The following PALMD variants were observed in gnomAD, a reference collection of about 807,000 sequenced individuals.
The protein encoded by PALMD is palmdelphin.
In PALMD, 42 loss-of-function variants were observed where a neutral mutation model predicts 56.2. The observed-to-expected ratio is 0.75, with a 90% CI of 0.58 to 0.97. The LOEUF (loss-of-function observed/expected upper bound fraction) is 0.97. Ranked by LOEUF, PALMD falls within the 50% of genes least tolerant of loss-of-function variation. The pLI, the probability that PALMD is intolerant of heterozygous loss-of-function variation, is 0.00. For missense variants in PALMD, 660 were observed against 643.8 expected (o/e 1.03, Z -0.27); for synonymous variants, 242 against 222.9 (o/e 1.09, Z -0.76).
rs145481246 is a variant in PALMD at position 99,688,818 on chromosome 1, T to G, written c.558T>G (p.Thr186=). 200 of 1,608,206 alleles carry G rather than the reference T, an allele frequency of 1.2e-4. No individual in the cohort carries two copies. The highest frequency in any genetic ancestry group is 1.7e-4 in the Non-Finnish European group (196 of 1,176,004). The stretch of plus-strand genomic sequence containing the variant: ...TTAAAGTTGAAAAAGACTTGAAGAC[T>G]GGAGAAAGTACAGTTCTGTCTTCAA... ...MEIKVEKDLK[T]GESTVLSSIP... Residue 186 remains threonine (T), a synonymous_variant, in exon 7 of 8, where the codon ACT becomes ACG. Transcript: ENST00000263174.
intron 1 of PALMD, among the ~76,000 whole-genome samples, chr1:99,647,791 T>C (rs760489544): frequency 3.4e-4 from 52 of 152,238 alleles, no homozygotes; most frequent in Non-Finnish European, 6.2e-4. Flanking sequence ...AATTAGCTAA[T>C]TGAAATAGAC....
At chr1:99,684,131 A>G (rs1488495685) in intron 3 of PALMD, 1 of 152,198 alleles carries the variant, frequency 6.6e-6, no homozygotes, top group African/African-American at 2.4e-5. Flanking sequence ...CATCTGCAAT[A>G]TATACATATT....
chr1:99,666,674 T>C (rs1183222207), intron 2 of PALMD, among the ~76,000 whole-genome samples: 1 of 152,190 alleles, frequency 6.6e-6, no homozygotes, highest in Non-Finnish European at 1.5e-5. Context: ...ATAGGGCAGA[T>C]TGGATACATA....
intron 3 of PALMD, chr1:99,686,319 A>C (rs564058311): frequency 6.4e-6 from 1 of 156,908 alleles, no homozygotes; most frequent in South Asian, 2.0e-4. Context: ...CTACAAATGT[A>C]CCATTCCTTT....
At position 99,647,836 on chromosome 1, in the gene PALMD, T is replaced by G. The variant is rs546367543; in HGVS notation, c.45+1474T>G. On this transcript the variant is annotated intron_variant, in intron 1 of 7. Coordinates refer to ENST00000263174, the MANE Select transcript of PALMD (RefSeq NM_017734.5). ...CTTGTTCTGAATTTGCCTCTTTCAG[T>G]TGGGGGACACCCTCGCTCAAGCCCT... 3.3e-5 allele frequency among the ~76,000 whole-genome samples: 5 copies of G among 152,330 alleles called. No homozygotes were observed. The South Asian group carries it at 6.2e-4, about 19-fold the overall frequency.
At chr1:99,663,767 T>A (rs1652904975) in intron 2 of PALMD, among the ~76,000 whole-genome samples, 1 of 152,136 alleles carries the variant, frequency 6.6e-6, no homozygotes, top group Non-Finnish European at 1.5e-5. Flanking sequence ...GATTTAAATA[T>A]CCCCTTAGTT....
intron 3 of PALMD, among the ~76,000 whole-genome samples, chr1:99,671,494 C>T (rs1653086521): frequency 6.6e-6 from 1 of 152,184 alleles, no homozygotes; most frequent in Non-Finnish European, 1.5e-5. Flanking sequence ...ATATTAAATA[C>T]TAGTCCTTAC....
chr1:99,675,728 T>C (rs1225946367), intron 3 of PALMD, among the ~76,000 whole-genome samples: 2 of 152,198 alleles, frequency 1.3e-5, no homozygotes, highest in East Asian at 1.9e-4. Context: ...TTGTGCATGA[T>C]AGTGGCTGAT....
At chr1:99,683,041 A>G (rs1571073085) in intron 3 of PALMD, among the ~76,000 whole-genome samples, 1 of 13,532 alleles carries the variant, frequency 7.4e-5, no homozygotes, top group East Asian at 4.4e-3. Flanking sequence ...AGAAAGAAAG[A>G]AAGAAAGAAA....
chr1:99,647,317 T>C (rs1652462679), intron 1 of PALMD, among the ~76,000 whole-genome samples: 1 of 152,188 alleles, frequency 6.6e-6, no homozygotes, highest in African/African-American at 2.4e-5. Flanking sequence ...TGATGCTAGA[T>C]CAGGGATTTT....
At chr1:99,655,071 C>A (rs150646216) in intron 1 of PALMD, among the ~76,000 whole-genome samples, 3 of 152,142 alleles carry the variant, frequency 2.0e-5, no homozygotes, top group East Asian at 3.9e-4. Context: ...ATACAGATAA[C>A]CTGCAACCAG....
At chr1:99,667,842 C>A in intron 3 of PALMD, 76 bp downstream of exon 3, 3 of 1,298,810 alleles carry the variant, frequency 2.3e-6, no homozygotes, top group South Asian at 1.3e-5. Context: ...ACATGCCATT[C>A]TCACTTTCAG....
Position 99,689,745 on chromosome 1 carries a change from T to C in PALMD, c.1485T>C (p.Asn495=). ...AAGCTAGTCCTCATGAAAACACAAATCATAAATCCCCCCACAAAAATTCCA... is the reference window on the plus strand; with the variant it reads ...AAGCTAGTCCTCATGAAAACACAAACCATAAATCCCCCCACAAAAATTCCA... The part of the protein sequence containing the change: ...RSEASPHENT[N]HKSPHKNSIS... The change falls in exon 7 of 8, where the codon AAT becomes AAC. Residue 495 remains asparagine, a synonymous_variant. Transcript: ENST00000263174. 2 of 1,613,666 alleles carry C rather than the reference T, an allele frequency of 1.2e-6. No homozygotes were observed. The highest frequency in any genetic ancestry group is 1.7e-6 in the Non-Finnish European group (2 of 1,179,830).
At chr1:99,656,368 CTTTTT>C (rs56041296) in intron 1 of PALMD, among the ~76,000 whole-genome samples, 11,275 of 151,874 alleles carry the variant, frequency 0.074, 577 homozygotes, top group Admixed American at 0.17. Context: ...TAGCACGTCT[CTTTTT>C]TTTCAAAGTT....
At chr1:99,657,653 T>C (rs1652756364) in intron 1 of PALMD, among the ~76,000 whole-genome samples, 2 of 152,248 alleles carry the variant, frequency 1.3e-5, no homozygotes, top group African/African-American at 4.8e-5. Flanking sequence ...TATCTCAATA[T>C]GTAAATAAAT....
At chr1:99,658,922 G>A (rs1480860220) in intron 1 of PALMD, among the ~76,000 whole-genome samples, 17 of 151,750 alleles carry the variant, frequency 1.1e-4, no homozygotes, top group South Asian at 2.1e-4. Flanking sequence ...CTCCAGCCTC[G>A]GTGACAGAGT....
At chr1:99,687,035 A>G (rs1347181839) in intron 5 of PALMD, 41 bp from the exon 6 acceptor site, 1 of 1,520,380 alleles carries the variant, frequency 6.6e-7, no homozygotes, top group Non-Finnish European at 9.0e-7. Context: ...CCCATTGTAA[A>G]TATATTCTAA....
intron 3 of PALMD, chr1:99,669,159 G>A (rs1653031922): frequency 6.6e-6 from 1 of 152,136 alleles, no homozygotes; most frequent in Non-Finnish European, 1.5e-5. Flanking sequence ...CTCTTCAAAT[G>A]ATTTCCATTT....
chr1:99,667,976 T>C (rs575110759), intron 3 of PALMD: 2 of 464,080 alleles, frequency 4.3e-6, no homozygotes, highest in Non-Finnish European at 7.8e-6. Context: ...CTCCCAGGGC[T>C]CAAGCAATTC....
Sources: allele counts gnomAD v4.1 joint callset (sites outside exome capture counted in the v4.1 genomes callset), GRCh38; gene constraint gnomAD v4.1.1; transcripts MANE v1.5; gene names NCBI Gene and HGNC (gene_info 2026-07-23, HGNC 2026-07-21).